The following ATG14 variants were observed in gnomAD, a reference collection of about 807,000 sequenced individuals.
ATG14 encodes beclin 1-associated autophagy-related key regulator.
In ATG14, 35 loss-of-function variants were observed where a neutral mutation model predicts 60.4. The observed-to-expected ratio is 0.58, with a 90% confidence interval of 0.44 to 0.77. The LOEUF is 0.77. Ranked by LOEUF, ATG14 falls within the 30% of genes least tolerant of loss-of-function variation. The probability of loss-of-function intolerance (pLI) is 0.00; values close to 1 mark genes in which losing one functional copy is unlikely to be tolerated. For missense variants in ATG14, 647 were observed against 626.3 expected, an observed-to-expected ratio of 1.03 and a Z score of -0.35; for synonymous variants, 234 against 228.8, an observed-to-expected ratio of 1.02 and a Z score of -0.21.
chr14:55,410,241 T>C (rs1173184630), intron 1 of ATG14, among the ~76,000 whole-genome samples: 1 of 152,238 alleles, frequency 6.6e-6, no homozygotes, highest in East Asian at 1.9e-4. Context: ...AATAAGCAGC[T>C]GTTTTCTGGA....
In ATG14 at chr14:55,377,839, T is replaced by G; in HGVS notation, c.1152A>C (p.Pro384=). 6.3e-7 allele frequency: 1 copy of G among 1,595,610 alleles called. No individual in the cohort carries two copies. Among genetic ancestry groups the G allele is most frequent in the South Asian group, 1.1e-5 (1 of 87,100 alleles). The part of the protein sequence containing the change: ...TLRNLMYLVS[P]SSEHLGRSGP... ...CTTACCTGCCTAGGTGTTCAGAGCT[T>G]GGACTGACCAGGTACATTAGATTCC... The change falls in exon 9 of 10, where the codon CCA becomes CCC. Residue 384 remains proline (P), a synonymous_variant. Coordinates refer to ENST00000247178, the MANE Select transcript of ATG14 (RefSeq NM_014924.5).
chr14:55,392,972 A>G (rs1206356509), intron 3 of ATG14, among the ~76,000 whole-genome samples: 1 of 152,242 alleles, frequency 6.6e-6, no homozygotes, highest in Non-Finnish European at 1.5e-5. Context: ...GAAGTCTTAG[A>G]TAGAAAAACT....
intron 4 of ATG14, among the ~76,000 whole-genome samples, chr14:55,388,658 G>A (rs570730014): frequency 1.3e-5 from 2 of 152,280 alleles, no homozygotes; most frequent in Admixed American, 6.5e-5. Flanking sequence ...TTTATAATTT[G>A]TGCCCTTTCA....
Position 55,369,441 on chromosome 14 carries a change from A to G in ATG14, c.*178T>C. On this transcript the variant is annotated 3_prime_UTR_variant, in exon 10 of 10. Transcript: ENST00000247178. Reference sequence around the variant, plus strand: ...AATTATCATAAGCATGTTGGTCACCATCACAGGCCACTTGGCAAATAGAAA... The same window carrying G: ...AATTATCATAAGCATGTTGGTCACCGTCACAGGCCACTTGGCAAATAGAAA... The G allele has an allele frequency of 3.6e-6, 2 of 548,248 alleles. No homozygotes were observed. The highest frequency in any genetic ancestry group is 5.9e-6 in the Non-Finnish European group (2 of 339,256). The allele number at this position is 548,248 out of a possible 1,614,324, so 34.0% of individuals were successfully genotyped here.
At chr14:55,409,738 C>T (rs1400055747) in intron 1 of ATG14, among the ~76,000 whole-genome samples, 1 of 152,162 alleles carries the variant, frequency 6.6e-6, no homozygotes, top group Non-Finnish European at 1.5e-5. Flanking sequence ...GAGATTAAAT[C>T]AGAGGAACAG....
Position 55,402,959 on chromosome 14 carries a change from AT to A in ATG14, c.222-5526del, listed in dbSNP as rs1566585757. ...TATATATATATATATATATATATATATATATATATAAATAGCTGGGCATAGT... is the reference window on the plus strand; with the variant it reads ...TATATATATATATATATATATATATAATATATATAAATAGCTGGGCATAGT... On this transcript the variant is annotated intron_variant, in intron 1 of 9. Transcript: ENST00000247178. Among the ~76,000 whole-genome samples, 89 of 76,808 alleles carry A rather than the reference AT, an allele frequency of 1.2e-3. 1 individual carries two copies. Among genetic ancestry groups the A allele is most frequent in the Non-Finnish European group, 1.7e-3 (60 of 35,608 alleles). 50.4% of individuals were successfully genotyped at this position (76,808 alleles called of 152,430 possible). A position where few individuals can be genotyped will look rare whatever the true frequency, so the allele number is the denominator to read the frequency against.
intron 1 of ATG14, among the ~76,000 whole-genome samples, chr14:55,410,037 C>A (rs1413319247): frequency 6.6e-6 from 1 of 152,028 alleles, no homozygotes; most frequent in Non-Finnish European, 1.5e-5. Context: ...GTTGATGGGA[C>A]TAAACAGAGT....
chr14:55,396,922 G>C lies in ATG14; in HGVS notation c.284+450C>G, dbSNP rs80014257. Reference sequence around the variant, plus strand: ...ACTGAATCAGAATCTCTGAGGATAGGATTCCAAGAATCTGAATTTTTAACC... The same window carrying C: ...ACTGAATCAGAATCTCTGAGGATAGCATTCCAAGAATCTGAATTTTTAACC... On this transcript the variant is annotated intron_variant, in intron 2 of 9. Coordinates refer to ENST00000247178, the MANE Select transcript of ATG14 (RefSeq NM_014924.5). Among the ~76,000 whole-genome samples the C allele has an allele frequency of 6.5e-3, 987 of 152,278 alleles. 12 individuals are homozygous for C. Among genetic ancestry groups the C allele is most frequent in the African/African-American group, 0.023 (940 of 41,552 alleles).
intron 4 of ATG14, 30 bp downstream of exon 4, chr14:55,390,881 G>C (rs1284986703): frequency 6.8e-7 from 1 of 1,467,854 alleles, no homozygotes. Context: ...GCACTTTCTA[G>C]GGCTGGAAGG....
chr14:55,378,797 C>G (rs1352041054), intron 7 of ATG14, among the ~76,000 whole-genome samples: 1 of 152,190 alleles, frequency 6.6e-6, no homozygotes, highest in African/African-American at 2.4e-5. Flanking sequence ...CCTCAATCTC[C>G]TGGGCTCAAG....
Position 55,377,904 on chromosome 14 carries a change from GC to G in ATG14, c.1087-1del. 6.2e-7 allele frequency: 1 copy of G among 1,601,500 alleles called. No individual in the cohort carries two copies. Among genetic ancestry groups the G allele is most frequent in the South Asian group, 1.1e-5 (1 of 88,622 alleles). On this transcript the variant is annotated splice_acceptor_variant, in intron 8 of 9. Transcript: ENST00000247178. LOFTEE classifies it high-confidence loss of function. ...GGTTGTAATTGATCTAAATTTACAT[GC>G]TAAAAAAAATTAAAGAATTGGTTAA...
chr14:55,410,226 T>G (rs1326876653), intron 1 of ATG14, among the ~76,000 whole-genome samples: 2 of 152,202 alleles, frequency 1.3e-5, no homozygotes, highest in Non-Finnish European at 2.9e-5. Context: ...AAAATATTGA[T>G]GTTGAATAAG....
At chr14:55,378,727 C>G (rs1380749824) in intron 7 of ATG14, among the ~76,000 whole-genome samples, 8 of 152,072 alleles carry the variant, frequency 5.3e-5, no homozygotes, top group African/African-American at 1.9e-4. Flanking sequence ...TAGGCAGGGT[C>G]TCACTCTGTC....
At chr14:55,375,335 T>C (rs1274075303) in intron 9 of ATG14, among the ~76,000 whole-genome samples, 2 of 152,150 alleles carry the variant, frequency 1.3e-5, no homozygotes, top group Non-Finnish European at 2.9e-5. Flanking sequence ...TGTTTATCTT[T>C]TTCTTTGTGA....
intron 9 of ATG14, among the ~76,000 whole-genome samples, 200 bp from the exon 10 acceptor site, chr14:55,370,125 A>G (rs1198715740): frequency 1.3e-5 from 2 of 152,210 alleles, no homozygotes; most frequent in Non-Finnish European, 2.9e-5. Context: ...AGTTATAAAT[A>G]AAATCATGAT....
intron 4 of ATG14, among the ~76,000 whole-genome samples, chr14:55,390,462 C>T (rs1459867392): frequency 1.3e-5 from 2 of 152,126 alleles, no homozygotes; most frequent in East Asian, 1.9e-4. Context: ...CAAGCTCTGC[C>T]TCCTGGGTTC....
intron 9 of ATG14, among the ~76,000 whole-genome samples, chr14:55,370,436 G>A (rs1212613966): frequency 6.6e-6 from 1 of 152,194 alleles, no homozygotes; most frequent in East Asian, 1.9e-4. Flanking sequence ...TTCTAGCACA[G>A]AATGAGGCAC....
intron 9 of ATG14, among the ~76,000 whole-genome samples, chr14:55,374,482 A>C (rs775449584): frequency 6.6e-6 from 1 of 152,168 alleles, no homozygotes; most frequent in Non-Finnish European, 1.5e-5. Context: ...CCTATCTATG[A>C]CATGTCTTTT....
At chr14:55,407,136 T>C (rs1349901347) in intron 1 of ATG14, among the ~76,000 whole-genome samples, 1 of 151,862 alleles carries the variant, frequency 6.6e-6, no homozygotes, top group African/African-American at 2.4e-5. Flanking sequence ...TAATTTTTGT[T>C]TTTGTTTTTT....
Sources: allele counts gnomAD v4.1 joint callset (sites outside exome capture counted in the v4.1 genomes callset), GRCh38; gene constraint gnomAD v4.1.1; transcripts MANE v1.5; gene names NCBI Gene and HGNC (gene_info 2026-07-23, HGNC 2026-07-21).